The following DFFA variants were observed in gnomAD, a reference collection of about 807,000 sequenced individuals.
DFFA encodes DNA fragmentation factor subunit alpha, also known as DFF45.
DFFA carries 14 observed loss-of-function variants against 28.0 expected under a neutral mutation model. The observed-to-expected ratio is 0.50, with a 90% CI of 0.33 to 0.78. DFFA has a LOEUF of 0.78. DFFA is among the 30% of genes least tolerant of loss of function. The probability of loss-of-function intolerance (pLI) is 0.02; values close to 1 mark genes in which losing one functional copy is unlikely to be tolerated. For missense variants in DFFA, 395 were observed against 407.1 expected (o/e 0.97, Z 0.26); for synonymous variants, 158 against 170.3 (o/e 0.93, Z 0.56).
chr1:10,458,534 A>ATTTTTTTTTT lies in DFFA; in HGVS notation c.*2955_*2956insAAAAAAAAAA, dbSNP rs5772416. On this transcript the variant is annotated 3_prime_UTR_variant, in exon 6 of 6. Coordinates refer to ENST00000377038, the MANE Select transcript of DFFA (RefSeq NM_004401.3). Reference sequence around the variant, plus strand: ...CATCTTTACCCTAGGACTTATTGTGATTTTCTTTTTTTTTTTTTTTTAAAG... The same window carrying ATTTTTTTTTT: ...CATCTTTACCCTAGGACTTATTGTGATTTTTTTTTTTTTTCTTTTTTTTTTTTTTTTAAAG... The ATTTTTTTTTT allele has an allele frequency of 1.5e-5, 2 of 134,662 alleles. 1 individual carries two copies. Among genetic ancestry groups the ATTTTTTTTTT allele is most frequent in the African/African-American group, 5.6e-5 (2 of 35,456 alleles). 8.3% of individuals were successfully genotyped at this position (134,662 alleles called of 1,614,324 possible). A position where few individuals can be genotyped will look rare whatever the true frequency, so the allele number is the denominator to read the frequency against.
chr1:10,462,179 G>A (rs931023124), intron 5 of DFFA, among the ~76,000 whole-genome samples: 21 of 151,674 alleles, frequency 1.4e-4, no homozygotes, highest in African/African-American at 4.4e-4. Context: ...TTTTTAAGAC[G>A]GAGTTTCACT....
In DFFA at chr1:10,460,251, A is replaced by T. The variant is rs977040587; in HGVS notation, c.*1239T>A. The T allele has an allele frequency of 6.6e-6, 1 of 151,944 alleles. No individual in the cohort carries two copies. The allele number at this position is 151,944 out of a possible 1,614,324, so 9.4% of individuals were successfully genotyped here. ...CAGAGTGAGACTCTGTCTCAAAAAAACAAAACAAAACTTTTTTTTTTTCTT... is the reference window on the plus strand; with the variant it reads ...CAGAGTGAGACTCTGTCTCAAAAAATCAAAACAAAACTTTTTTTTTTTCTT... On this transcript the variant is annotated 3_prime_UTR_variant, in exon 6 of 6. Coordinates refer to ENST00000377038, the MANE Select transcript of DFFA (RefSeq NM_004401.3).
chr1:10,461,557 G>C lies in DFFA; in HGVS notation c.929C>G (p.Ser310Ter), dbSNP rs1640939285. The change falls in exon 6 of 6, where the codon TCA (serine) becomes TGA (stop). Residue 310 changes from serine (S) to a stop codon, truncating the protein, a stop_gained. Transcript: ENST00000377038. LOFTEE classifies it low-confidence loss of function (END_TRUNC). ...TQSLHSLRSI[S>*]ASKASPPGDL... ...ACCAGGTGGTGAGGCCTTGCTTGCT[G>C]AGATGCTCCGGAGAGAATGCAAGCT... The C allele has an allele frequency of 1.2e-6, 2 of 1,613,996 alleles. No individual in the cohort carries two copies. Among genetic ancestry groups the C allele is most frequent in the African/African-American group, 2.7e-5 (2 of 74,944 alleles).
chr1:10,467,136 G>T, intron 3 of DFFA, 54 bp downstream of exon 3: 1 of 1,605,808 alleles, frequency 6.2e-7, no homozygotes. Flanking sequence ...AAGGTGCTGG[G>T]GCGGGGGGCA....
chr1:10,466,212 C>G (rs149697144), intron 3 of DFFA, among the ~76,000 whole-genome samples: 2 of 152,002 alleles, frequency 1.3e-5, no homozygotes, highest in Non-Finnish European at 2.9e-5. Flanking sequence ...GAGATGGAGT[C>G]TCTCTCTGTC....
At chr1:10,462,119 A>C (rs568910321) in intron 5 of DFFA, among the ~76,000 whole-genome samples, 18 of 151,838 alleles carry the variant, frequency 1.2e-4, no homozygotes, top group Non-Finnish European at 2.6e-4. Flanking sequence ...TGGCCTCCCA[A>C]AGTGCTGGGA....
Position 10,469,324 on chromosome 1 carries a change from C to A in DFFA, c.151G>T (p.Ala51Ser), listed in dbSNP as rs199582986. 1.2e-6 allele frequency: 2 copies of A among 1,613,550 alleles called. No individual in the cohort carries two copies. The highest frequency in any genetic ancestry group is 1.7e-6 in the Non-Finnish European group (2 of 1,179,828). ...DLRSKACDIL[A>S]IDKSLTPVTL... The stretch of plus-strand genomic sequence containing the variant: ...ACTGGTGTCAGGGACTTATCAATGG[C>A]CAGAATGTCACAGGCTGAAAAGAAT... Residue 51 changes from alanine to serine, a missense_variant, in exon 2 of 6, where the codon GCC (alanine) becomes TCC (serine). By Grantham distance (99) the Ala-to-Ser change is moderately conservative (BLOSUM62 1). Coordinates refer to ENST00000377038, the MANE Select transcript of DFFA (RefSeq NM_004401.3).
Position 10,463,180 on chromosome 1 carries a change from C to T in DFFA, c.661G>A (p.Asp221Asn). The T allele has an allele frequency of 6.2e-7, 1 of 1,614,160 alleles. No homozygotes were observed. Among genetic ancestry groups the T allele is most frequent in the East Asian group, 2.2e-5 (1 of 44,878 alleles). ...ESKAAFGEEV[D>N]AVDTGISRET... ...CTGCTGATACCCGTGTCTACTGCAT[C>T]CACCTCCTCACCAAAGGCAGCTTTG... The change falls in exon 5 of 6, where the codon GAT (aspartate) becomes AAT (asparagine). Residue 221 changes from aspartate (D) to asparagine (N), a missense_variant. Physicochemically the swap from Asp to Asn is conservative, Grantham distance 23. Coordinates refer to ENST00000377038, the MANE Select transcript of DFFA (RefSeq NM_004401.3).
intron 1 of DFFA, among the ~76,000 whole-genome samples, chr1:10,471,472 A>C (rs1036042730): frequency 1.3e-5 from 2 of 152,200 alleles, no homozygotes; most frequent in African/African-American, 4.8e-5. Context: ...GCTTATATGC[A>C]AAATCCATGT....
Position 10,458,452 on chromosome 1 carries a change from G to C in DFFA, c.*3038C>G, listed in dbSNP as rs929497260. 1 of 151,646 alleles carries C rather than the reference G, an allele frequency of 6.6e-6. No individual in the cohort carries two copies. The highest frequency in any genetic ancestry group is 2.1e-4 in the South Asian group (1 of 4,820). The allele number at this position is 151,646 out of a possible 1,614,324, so 9.4% of individuals were successfully genotyped here. A position where few individuals can be genotyped will look rare whatever the true frequency, so the allele number is the denominator to read the frequency against. ...TGAGTAGAAGATCTAAGCCCTTCTT[G>C]AATCACAGGAAAAGGAAACAGTTGT... On this transcript the variant is annotated 3_prime_UTR_variant, in exon 6 of 6. Transcript: ENST00000377038.
intron 5 of DFFA, chr1:10,462,727 C>A: frequency 8.7e-7 from 1 of 1,153,630 alleles, no homozygotes; most frequent in Non-Finnish European, 1.1e-6. Context: ...TCAGGACGGA[C>A]TATAGATCTT....
In DFFA at chr1:10,469,301, T is replaced by C. The variant is rs532556614; in HGVS notation, c.174A>G (p.Pro58=). 2.8e-5 allele frequency: 45 copies of C among 1,614,198 alleles called. No individual in the cohort carries two copies. In the South Asian group the frequency reaches 4.2e-4, roughly 15 times the overall value. Residue 58 remains proline, a synonymous_variant, in exon 2 of 6, where the codon CCA becomes CCG. Coordinates refer to ENST00000377038, the MANE Select transcript of DFFA (RefSeq NM_004401.3). ...DILAIDKSLT[P]VTLVLAEDGT... ...CATCCTCTGCCAGGACCAGGGTGAC[T>C]GGTGTCAGGGACTTATCAATGGCCA... is the stretch of plus-strand genomic sequence containing the variant.
chr1:10,463,385 A>C, intron 4 of DFFA, 46 bp downstream of exon 4: 2 of 1,574,026 alleles, frequency 1.3e-6, no homozygotes, highest in East Asian at 2.2e-5. Context: ...GGACGCCTCC[A>C]TCAGCCCTGA....
Position 10,472,299 on chromosome 1 carries a change from C to A in DFFA, c.136+24G>T, listed in dbSNP as rs1252475016. 1 of 1,562,592 alleles carries A rather than the reference C, an allele frequency of 6.4e-7. No individual in the cohort carries two copies. The highest frequency in any genetic ancestry group is 8.7e-7 in the Non-Finnish European group (1 of 1,148,838). On this transcript the variant is annotated intron_variant, in intron 1 of 5. Transcript: ENST00000377038. The surrounding 1 kb of genome is among the most constrained non-coding windows in gnomAD (Gnocchi z 5.0). Reference sequence around the variant, plus strand: ...TCACCCGGCCCTGGCTCCCCCACACCCTCGCCCGGGGTCCCGAGCCAACCC... The same window carrying A: ...TCACCCGGCCCTGGCTCCCCCACACACTCGCCCGGGGTCCCGAGCCAACCC...
rs1027991914 is a variant in DFFA at position 10,462,951 on chromosome 1, TCA to T, written c.783+105_783+106del. Reference sequence around the variant, plus strand: ...TAATAGGCAAACTGGCAGCTAGGATTCACAGTCTGCAGAGGTGAACAAAAGGG... The same window carrying T: ...TAATAGGCAAACTGGCAGCTAGGATTCAGTCTGCAGAGGTGAACAAAAGGG... On this transcript the variant is annotated intron_variant, in intron 5 of 5. Coordinates refer to ENST00000377038, the MANE Select transcript of DFFA (RefSeq NM_004401.3). 2.4e-5 allele frequency: 37 copies of T among 1,535,928 alleles called. No individual in the cohort carries two copies. In the African/African-American group the frequency reaches 3.9e-4, roughly 16 times the overall value.
At chr1:10,469,142 C>T in intron 2 of DFFA, 35 bp downstream of exon 2, 1 of 1,608,712 alleles carries the variant, frequency 6.2e-7, no homozygotes, top group Non-Finnish European at 8.5e-7. Flanking sequence ...TGCTGTACTG[C>T]ATAGGCCGTT....
At position 10,459,795 on chromosome 1, in the gene DFFA, G is replaced by A. The variant is rs534775517; in HGVS notation, c.*1695C>T. The A allele has an allele frequency of 6.6e-6, 1 of 151,504 alleles. No homozygotes were observed. The highest frequency in any genetic ancestry group is 2.1e-4 in the South Asian group (1 of 4,778). 9.4% of individuals were successfully genotyped at this position (151,504 alleles called of 1,614,324 possible). Reference sequence around the variant, plus strand: ...AGGCTGGAGTATGGTGGCATGATCAGCCTTGAGCTCCTGGGCTCAAGTGAT... The same window carrying A: ...AGGCTGGAGTATGGTGGCATGATCAACCTTGAGCTCCTGGGCTCAAGTGAT... On this transcript the variant is annotated 3_prime_UTR_variant, in exon 6 of 6. Coordinates refer to ENST00000377038, the MANE Select transcript of DFFA (RefSeq NM_004401.3).
chr1:10,466,952 C>CAAAAAAAA (rs34597195), intron 3 of DFFA, among the ~76,000 whole-genome samples: 5 of 32,734 alleles, frequency 1.5e-4, no homozygotes, highest in African/African-American at 4.0e-4. Context: ...GACTGTGTCT[C>CAAAAAAAA]AAAAAAAAAA....
rs376777029 is a variant in DFFA at position 10,472,388 on chromosome 1, C to T, written c.71G>A (p.Arg24His). ...GTGCTGTTCGCGGCTGTAGTTGCGG[C>T]GCAGCAGACACGGCTTTAGAGTCCG... ...EIRTLKPCLL[R>H]RNYSREQHGV... Residue 24 changes from arginine to histidine, a missense_variant, in exon 1 of 6, where the codon CGC becomes CAC. Arg to His is a conservative substitution (Grantham distance 29). Transcript: ENST00000377038. This position sits in a 1 kb window ranked among gnomAD's most constrained non-coding sequence, Gnocchi z 5.0. The T allele has an allele frequency of 1.6e-5, 25 of 1,612,502 alleles. 1 individual carries two copies. Among genetic ancestry groups the T allele is most frequent in the Non-Finnish European group, 1.8e-5 (21 of 1,179,272 alleles).
Sources: allele counts gnomAD v4.1 joint callset (sites outside exome capture counted in the v4.1 genomes callset), GRCh38; gene constraint gnomAD v4.1.1; non-coding constraint Gnocchi (gnomAD v3.1); transcripts MANE v1.5; gene names NCBI Gene and HGNC (gene_info 2026-07-23, HGNC 2026-07-21).